The following MINDY2 variants were observed in gnomAD, a reference collection of about 807,000 sequenced individuals.
MINDY2 encodes ubiquitin carboxyl-terminal hydrolase MINDY-2.
In MINDY2, 52 loss-of-function variants were observed where a neutral mutation model predicts 68.2. The observed-to-expected ratio is 0.76, with a 90% confidence interval of 0.61 to 0.96. MINDY2 has a LOEUF of 0.96. Ranked by LOEUF, MINDY2 falls within the 40% of genes least tolerant of loss-of-function variation. The pLI, the probability that MINDY2 is intolerant of heterozygous loss-of-function variation, is 0.00. For missense variants in MINDY2, 881 were observed against 773.4 expected, an observed-to-expected ratio of 1.14 and a Z score of -1.65; for synonymous variants, 372 against 303.0, an observed-to-expected ratio of 1.23 and a Z score of -2.36.
intron 6 of MINDY2, among the ~76,000 whole-genome samples, chr15:58,843,773 G>A (rs1407019562): frequency 7.3e-6 from 1 of 136,498 alleles, no homozygotes; most frequent in Non-Finnish European, 1.5e-5. Context: ...GGCGGAGTTT[G>A]CAGTGAGCCA....
intron 6 of MINDY2, among the ~76,000 whole-genome samples, chr15:58,833,564 C>T (rs1595763963): frequency 6.6e-6 from 1 of 152,024 alleles, no homozygotes; most frequent in East Asian, 1.9e-4. Context: ...GATAATAGTG[C>T]AGAGAAGGTC....
chr15:58,808,041 A>C (rs1372807201), intron 3 of MINDY2, among the ~76,000 whole-genome samples: 15 of 140,624 alleles, frequency 1.1e-4, no homozygotes, highest in Admixed American at 2.2e-4. Context: ...TCTCTCCCTC[A>C]CTCCCTTCCT....
intron 2 of MINDY2, among the ~76,000 whole-genome samples, chr15:58,789,535 C>G (rs568678227): frequency 7.4e-4 from 112 of 152,026 alleles, no homozygotes; most frequent in Middle Eastern, 3.4e-3. Context: ...TGACTTGCTG[C>G]AATCTCGACC....
chr15:58,850,757 T>C (rs1424884148), intron 7 of MINDY2, among the ~76,000 whole-genome samples: 1 of 152,016 alleles, frequency 6.6e-6, no homozygotes, highest in African/African-American at 2.4e-5. Flanking sequence ...GCTAATTTTT[T>C]TGTGTTTTTT....
chr15:58,810,767 A>G (rs2030184318), intron 4 of MINDY2, among the ~76,000 whole-genome samples: 1 of 152,206 alleles, frequency 6.6e-6, no homozygotes. Flanking sequence ...GGGCAAAGAT[A>G]CAGGTTAATA....
chr15:58,772,033 G>A lies in MINDY2; in HGVS notation c.638G>A (p.Gly213Glu), dbSNP rs764338661. The A allele has an allele frequency of 7.5e-6, 12 of 1,603,898 alleles. No homozygotes were observed. The highest frequency in any genetic ancestry group is 1.7e-5 in the Admixed American group (1 of 58,802). Residue 213 changes from glycine to glutamate, a missense_variant, in exon 1 of 9, where the codon GGG (glycine) becomes GAG (glutamate). Gly to Glu is a moderately conservative substitution (Grantham distance 98, BLOSUM62 -2). Transcript: ENST00000559228. ...GAGGAGGGCGCGGCGGTGTTGCCCGGGGCTGTTCCTCTGTGCAAGGAGGAG... is the reference window on the plus strand; with the variant it reads ...GAGGAGGGCGCGGCGGTGTTGCCCGAGGCTGTTCCTCTGTGCAAGGAGGAG... ...EEEEGAAVLPGAVPLCKEEEG... is the reference protein window; with the variant it reads ...EEEEGAAVLPEAVPLCKEEEG...
chr15:58,782,509 T>G (rs1439868406), intron 1 of MINDY2, among the ~76,000 whole-genome samples: 1 of 152,252 alleles, frequency 6.6e-6, no homozygotes, highest in African/African-American at 2.4e-5. Flanking sequence ...TTTCCATTGT[T>G]ATCAATTGTA....
intron 4 of MINDY2, among the ~76,000 whole-genome samples, chr15:58,810,790 A>G (rs895090243): frequency 3.9e-5 from 6 of 152,248 alleles, no homozygotes; most frequent in Non-Finnish European, 7.3e-5. Flanking sequence ...AGCAAAGGAA[A>G]GAGACACATA....
intron 3 of MINDY2, among the ~76,000 whole-genome samples, chr15:58,805,041 A>T (rs1427033462): frequency 2.0e-5 from 3 of 152,150 alleles, no homozygotes; most frequent in Non-Finnish European, 4.4e-5. Context: ...CTTGCATTGG[A>T]ATACACTCCC....
intron 1 of MINDY2, among the ~76,000 whole-genome samples, chr15:58,780,495 T>C (rs1901063279): frequency 6.6e-6 from 1 of 152,002 alleles, no homozygotes; most frequent in Non-Finnish European, 1.5e-5. Flanking sequence ...GAGCTCTCAC[T>C]CAGGATGTTT....
At chr15:58,848,548 C>G (rs1377469115) in intron 7 of MINDY2, among the ~76,000 whole-genome samples, 3 of 151,902 alleles carry the variant, frequency 2.0e-5, no homozygotes, top group Non-Finnish European at 4.4e-5. Flanking sequence ...TCGAGACCAT[C>G]CTGGCTAACA....
chr15:58,844,890 G>A (rs2032457238), intron 6 of MINDY2, among the ~76,000 whole-genome samples: 1 of 141,728 alleles, frequency 7.1e-6, no homozygotes, highest in Non-Finnish European at 1.5e-5. Context: ...ACTCCAGCCT[G>A]GGCGACAGAG....
intron 3 of MINDY2, among the ~76,000 whole-genome samples, chr15:58,807,653 GCGC>G (rs2029901049): frequency 6.6e-6 from 1 of 152,116 alleles, no homozygotes; most frequent in African/African-American, 2.4e-5. Context: ...GTGAGCCATT[GCGC>G]CCGGCCTAAA....
chr15:58,810,197 C>A lies in MINDY2; in HGVS notation c.964-33C>A, dbSNP rs774029128. On this transcript the variant is annotated intron_variant, in intron 3 of 8. Transcript: ENST00000559228. Reference sequence around the variant, plus strand: ...CTTTTTTGTTCTCGTTTTGATGTTTCTGAATTAGAACTTTCCCCTTTTCTA... The same window carrying A: ...CTTTTTTGTTCTCGTTTTGATGTTTATGAATTAGAACTTTCCCCTTTTCTA... 11 of 1,555,186 alleles carry A rather than the reference C, an allele frequency of 7.1e-6. 1 individual carries two copies. The East Asian group carries it at 2.1e-4, about 29-fold the overall frequency.
intron 1 of MINDY2, among the ~76,000 whole-genome samples, chr15:58,773,645 T>A (rs1442156890): frequency 3.3e-5 from 5 of 152,186 alleles, no homozygotes; most frequent in African/African-American, 1.2e-4. Flanking sequence ...TGGTATGGCG[T>A]AGTCCTAGAA....
intron 5 of MINDY2, among the ~76,000 whole-genome samples, chr15:58,827,286 A>T (rs1290291159): frequency 1.3e-5 from 2 of 152,170 alleles, no homozygotes; most frequent in African/African-American, 2.4e-5. Context: ...AATAATCTTT[A>T]ACCAGGTAGA....
At position 58,772,012 on chromosome 15, in the gene MINDY2, AGG is replaced by A; in HGVS notation, c.619_620del (p.Gly207ArgfsTer55). 6.3e-7 allele frequency: 1 copy of A among 1,594,272 alleles called. No individual in the cohort carries two copies. The highest frequency in any genetic ancestry group is 8.5e-7 in the Non-Finnish European group (1 of 1,170,738). ...GAGAACAGGGTCCCTGAGGAGGAGG[AGG>A]GCGCGGCGGTGTTGCCCGGGGCTGT... On this transcript the variant is annotated frameshift_variant, in exon 1 of 9. Transcript: ENST00000559228. LOFTEE classifies it high-confidence loss of function.
intron 2 of MINDY2, among the ~76,000 whole-genome samples, chr15:58,791,213 TTTTATATATATATA>T (rs1901870994): frequency 2.6e-5 from 1 of 38,338 alleles, no homozygotes; most frequent in African/African-American, 6.5e-5. Context: ...AGGAAAGCAA[TTTTATATATATATA>T]TATATATATA....
chr15:58,791,890 A>G (rs1172385171), intron 2 of MINDY2, among the ~76,000 whole-genome samples: 1 of 151,982 alleles, frequency 6.6e-6, no homozygotes, highest in Non-Finnish European at 1.5e-5. Context: ...AGTCTGGGAT[A>G]TGCCAGTGAT....
Sources: allele counts gnomAD v4.1 joint callset (sites outside exome capture counted in the v4.1 genomes callset), GRCh38; gene constraint gnomAD v4.1.1; transcripts MANE v1.5; gene names NCBI Gene and HGNC (gene_info 2026-07-23, HGNC 2026-07-21).